GRID1: variants seen among roughly 807,000 people sequenced by gnomAD.
GRID1 encodes the protein glutamate ionotropic receptor delta type subunit 1, also known as glutamate receptor ionotropic, delta-1.
A neutral mutation model predicts 98.0 loss-of-function variants in GRID1; 28 were observed. The ratio of observed to expected loss-of-function variants is 0.29; its 90% CI spans 0.21 to 0.39. The LOEUF (loss-of-function observed/expected upper bound fraction) is 0.39, where lower values mean the gene tolerates loss of function less well. Among genes scored for constraint, GRID1 ranks in the 10% least tolerant of loss-of-function variants. The probability of loss-of-function intolerance (pLI) is 1.00; values close to 1 mark genes in which losing one functional copy is unlikely to be tolerated. For missense variants in GRID1, 1,111 were observed against 1,340.5 expected (o/e 0.83, Z 2.67); for synonymous variants, 553 against 538.5 (o/e 1.03, Z -0.37).
At chr10:85,844,246 ATAT>A (rs1476712076) in intron 8 of GRID1, among the ~76,000 whole-genome samples, 1 of 152,066 alleles carries the variant, frequency 6.6e-6, no homozygotes, top group Non-Finnish European at 1.5e-5. Context: ...AGAATAGAAA[ATAT>A]TATGGTTATC....
At chr10:85,858,195 G>A in intron 6 of GRID1, among the ~76,000 whole-genome samples, 1 of 152,198 alleles carries the variant, frequency 6.6e-6, no homozygotes, top group Non-Finnish European at 1.5e-5. Flanking sequence ...TATGCCTAGG[G>A]CCTCTGCATT....
At chr10:85,964,849 C>G (rs930367974) in intron 4 of GRID1, among the ~76,000 whole-genome samples, 1 of 152,112 alleles carries the variant, frequency 6.6e-6, no homozygotes. Flanking sequence ...TCAGAGTGAA[C>G]ATGTAACCTA....
intron 8 of GRID1, among the ~76,000 whole-genome samples, chr10:85,771,408 C>A (rs1451000843): frequency 6.6e-6 from 1 of 152,080 alleles, no homozygotes; most frequent in Non-Finnish European, 1.5e-5. Flanking sequence ...GAAGAAACTG[C>A]ATCAACTAAC....
intron 2 of GRID1, among the ~76,000 whole-genome samples, chr10:86,233,626 C>T (rs1846491197): frequency 1.3e-5 from 2 of 152,290 alleles, no homozygotes; most frequent in South Asian, 4.1e-4. Context: ...CCCTCCTTCC[C>T]TCCAGAGGGA....
At position 86,066,872 on chromosome 10, in the gene GRID1, C is replaced by T. The variant is rs1012460884; in HGVS notation, c.726+71947G>A. Among the ~76,000 whole-genome samples the T allele has an allele frequency of 2.6e-5, 4 of 152,318 alleles. No homozygotes were observed. The East Asian group carries it at 5.8e-4, about 22-fold the overall frequency. ...AAACACCAAGAGCCACAGCCCAGAA[C>T]GCTTGGTAGGGGCCGCGCCGGCACA... is the stretch of plus-strand genomic sequence containing the variant. On this transcript the variant is annotated intron_variant, in intron 4 of 15. Coordinates refer to ENST00000327946, the MANE Select transcript of GRID1 (RefSeq NM_017551.3).
intron 4 of GRID1, among the ~76,000 whole-genome samples, chr10:86,117,945 A>G (rs1844609337): frequency 6.6e-6 from 1 of 152,248 alleles, no homozygotes; most frequent in Non-Finnish European, 1.5e-5. Flanking sequence ...CAGCAATCCC[A>G]CTACTAAGTA....
rs538617278 is a variant in GRID1 at position 85,800,305 on chromosome 10, C to T, written c.1233+54191G>A. ...AGTTGCGTATCAGACAATATAAAAA[C>T]ACACATCATTCTCAGGCATTTATAA... On this transcript the variant is annotated intron_variant, in intron 8 of 15. Coordinates refer to ENST00000327946, the MANE Select transcript of GRID1 (RefSeq NM_017551.3). Among the ~76,000 whole-genome samples, 16 of 151,918 alleles carry T rather than the reference C, an allele frequency of 1.1e-4. 1 individual carries two copies. Among genetic ancestry groups the T allele is most frequent in the Non-Finnish European group, 1.5e-5 (1 of 67,896 alleles).
chr10:86,040,438 T>C (rs1361692013), intron 4 of GRID1, among the ~76,000 whole-genome samples: 1 of 149,208 alleles, frequency 6.7e-6, no homozygotes, highest in East Asian at 2.0e-4. Flanking sequence ...TGTGACAACA[T>C]GGATGAGTCA....
chr10:85,999,470 C>G (rs1030025639), intron 4 of GRID1, among the ~76,000 whole-genome samples: 26 of 152,102 alleles, frequency 1.7e-4, no homozygotes, highest in African/African-American at 6.3e-4. Context: ...TTTTATGAGG[C>G]CAGATTTGCC....
At chr10:86,351,261 G>A (rs562251374) in intron 2 of GRID1, among the ~76,000 whole-genome samples, 2 of 152,348 alleles carry the variant, frequency 1.3e-5, no homozygotes, top group South Asian at 4.1e-4. Context: ...TGCACAAGAC[G>A]GTGTATGTGG....
At position 86,031,086 on chromosome 10, in the gene GRID1, G is replaced by A. The variant is rs138730568; in HGVS notation, c.726+107733C>T. Among the ~76,000 whole-genome samples, 1,481 of 152,018 alleles carry A rather than the reference G, an allele frequency of 9.7e-3. 24 individuals are homozygous for A. Among genetic ancestry groups the A allele is most frequent in the African/African-American group, 0.034 (1,404 of 41,426 alleles). ...CATTTGCCACCAGCTGGTCCTTTCCGCTTGGAGACCTTCGTTTCCACAGAG... is the reference window on the plus strand; with the variant it reads ...CATTTGCCACCAGCTGGTCCTTTCCACTTGGAGACCTTCGTTTCCACAGAG... On this transcript the variant is annotated intron_variant, in intron 4 of 15. Transcript: ENST00000327946.
At chr10:85,695,339 C>A (rs976967532) in intron 12 of GRID1, among the ~76,000 whole-genome samples, 1 of 152,162 alleles carries the variant, frequency 6.6e-6, no homozygotes, top group Non-Finnish European at 1.5e-5. Flanking sequence ...TGGGTATGCA[C>A]CCATCATGGG....
At chr10:86,062,431 C>T (rs1292319446) in intron 4 of GRID1, among the ~76,000 whole-genome samples, 3 of 152,126 alleles carry the variant, frequency 2.0e-5, no homozygotes, top group African/African-American at 4.8e-5. Context: ...CACTCAGATT[C>T]GCTTCCACCC....
chr10:85,734,502 T>G (rs191201670), intron 8 of GRID1, among the ~76,000 whole-genome samples: 47 of 152,310 alleles, frequency 3.1e-4, no homozygotes, highest in African/African-American at 1.1e-3. Context: ...TTGTTTTGCT[T>G]TAATACAGAC....
intron 2 of GRID1, among the ~76,000 whole-genome samples, chr10:86,307,730 T>C (rs1021112777): frequency 2.6e-5 from 4 of 152,182 alleles, no homozygotes; most frequent in African/African-American, 9.7e-5. Context: ...GAGGTGATGA[T>C]ATGTTCATTA....
chr10:85,647,493 C>T (rs984665276), intron 12 of GRID1, 96 bp from the exon 13 acceptor site: 2 of 884,910 alleles, frequency 2.3e-6, no homozygotes, highest in African/African-American at 3.3e-5. Context: ...AACTCCAAGC[C>T]CGGCATGGCC....
chr10:86,254,454 G>A (rs2607824), intron 2 of GRID1, among the ~76,000 whole-genome samples: 82,152 of 152,230 alleles, frequency 0.54, 26,409 homozygotes, highest in Non-Finnish European at 0.71. Flanking sequence ...AACTTTTGAG[G>A]TGGGGCTCTG....
chr10:85,652,669 C>T (rs1840838475), intron 12 of GRID1, among the ~76,000 whole-genome samples: 1 of 152,128 alleles, frequency 6.6e-6, no homozygotes, highest in East Asian at 1.9e-4. Context: ...ATCTGGAGTG[C>T]CTGGATAGGG....
At chr10:86,128,730 T>C (rs185766280) in intron 4 of GRID1, among the ~76,000 whole-genome samples, 1 of 152,300 alleles carries the variant, frequency 6.6e-6, no homozygotes, top group Non-Finnish European at 1.5e-5. Context: ...CTTCAGAATG[T>C]TGACCTTGCC....
Sources: allele counts gnomAD v4.1 joint callset (sites outside exome capture counted in the v4.1 genomes callset), GRCh38; gene constraint gnomAD v4.1.1; transcripts MANE v1.5; gene names NCBI Gene and HGNC (gene_info 2026-07-23, HGNC 2026-07-21).